The following SHMT1 variants were observed in gnomAD, a reference collection of about 807,000 sequenced individuals.
SHMT1 encodes serine hydroxymethyltransferase 1.
A neutral mutation model predicts 49.0 loss-of-function variants in SHMT1; 45 were observed. The observed-to-expected ratio is 0.92, with a 90% confidence interval of 0.72 to 1.18. The LOEUF (loss-of-function observed/expected upper bound fraction) is 1.18. Ranked by LOEUF, SHMT1 falls within the 50% of genes most tolerant of loss-of-function variation. SHMT1 has a pLI of 0.00. For synonymous variants in SHMT1, 232 were observed against 246.6 expected (o/e 0.94, Z 0.55); for missense variants, 541 against 612.4 (o/e 0.88, Z 1.23).
chr17:18,346,026 G>A (rs1381462315), intron 5 of SHMT1, among the ~76,000 whole-genome samples: 1 of 152,062 alleles, frequency 6.6e-6, no homozygotes, highest in Admixed American at 6.6e-5. Flanking sequence ...TCAAAATCTA[G>A]CTTCAAGGCT....
rs1984370364 is a variant in SHMT1, at chr17:18,340,442, A to G, written c.602-187T>C. On this transcript the variant is annotated intron_variant, in intron 6 of 11. Transcript: ENST00000316694. The surrounding 1 kb of genome is among the most constrained non-coding windows in gnomAD (Gnocchi z 4.5). ...TAAAGGCAACCACTCTAACTCTTCAACGTCTTGGTGGTTGAGATGGCCCCA... is the reference window on the plus strand; with the variant it reads ...TAAAGGCAACCACTCTAACTCTTCAGCGTCTTGGTGGTTGAGATGGCCCCA... 1.4e-6 allele frequency: 1 copy of G among 708,562 alleles called. No homozygotes were observed. Among genetic ancestry groups the G allele is most frequent in the Non-Finnish European group, 2.5e-6 (1 of 407,202 alleles). The allele number at this position is 708,562 out of a possible 1,614,324, so 43.9% of individuals were successfully genotyped here. A position where few individuals can be genotyped will look rare whatever the true frequency, so the allele number is the denominator to read the frequency against.
At chr17:18,360,790 T>C (rs9913022) in intron 1 of SHMT1, among the ~76,000 whole-genome samples, 3,186 of 152,038 alleles carry the variant, frequency 0.021, 127 homozygotes, top group African/African-American at 0.074. Context: ...AAATCAGGCT[T>C]GCACACCTGA....
chr17:18,346,049 T>C (rs1293126961), intron 5 of SHMT1, among the ~76,000 whole-genome samples: 1 of 151,948 alleles, frequency 6.6e-6, no homozygotes, highest in Non-Finnish European at 1.5e-5. Context: ...CCTTGGCCAA[T>C]GAGGAGATCT....
At chr17:18,342,235 C>A (rs893019111) in intron 5 of SHMT1, among the ~76,000 whole-genome samples, 2 of 152,114 alleles carry the variant, frequency 1.3e-5, no homozygotes, top group Admixed American at 6.6e-5. Context: ...AAAAGAAATT[C>A]TGTCATTTGC....
At chr17:18,329,446 G>T in intron 10 of SHMT1, 58 bp from the exon 11 acceptor site, 1 of 1,390,174 alleles carries the variant, frequency 7.2e-7, no homozygotes, top group African/African-American at 1.4e-5. Context: ...TGATGGTGGT[G>T]CATTTAAAAA....
At chr17:18,361,550 G>C (rs1179060644) in intron 1 of SHMT1, among the ~76,000 whole-genome samples, 3 of 151,738 alleles carry the variant, frequency 2.0e-5, no homozygotes, top group African/African-American at 7.3e-5. Context: ...CACTTTGGGA[G>C]GCCGAGGCGG....
chr17:18,340,910 G>A lies in SHMT1; in HGVS notation c.520-97C>T. 1.2e-6 allele frequency: 1 copy of A among 855,838 alleles called. No homozygotes were observed. Among genetic ancestry groups the A allele is most frequent in the Non-Finnish European group, 1.9e-6 (1 of 515,898 alleles). The allele number at this position is 855,838 out of a possible 1,614,324, so 53.0% of individuals were successfully genotyped here. A position where few individuals can be genotyped will look rare whatever the true frequency, so the allele number is the denominator to read the frequency against. On this transcript the variant is annotated intron_variant, in intron 5 of 11. Transcript: ENST00000316694. The surrounding 1 kb of genome is among the most constrained non-coding windows in gnomAD (Gnocchi z 4.5). ...ACTGGCTCCACCCACCATGACAAGA[G>A]GAATGATGTCCTAGATGAGGACTTG...
At chr17:18,358,876 C>T (rs1986497591) in intron 1 of SHMT1, among the ~76,000 whole-genome samples, 1 of 152,068 alleles carries the variant, frequency 6.6e-6, no homozygotes, top group Non-Finnish European at 1.5e-5. Context: ...GCATTCCAGC[C>T]TGGGTGACAG....
rs924468343 is a variant in SHMT1, at chr17:18,328,487, T to C, written c.*263A>G. On this transcript the variant is annotated 3_prime_UTR_variant, in exon 12 of 12. Coordinates refer to ENST00000316694, the MANE Select transcript of SHMT1 (RefSeq NM_004169.5). ...GACCAAGTGGCGACATAGTATTTTA[T>C]TTTCCTAGAATTATGTCCAGCTGTG... 1 of 507,724 alleles carries C rather than the reference T, an allele frequency of 2.0e-6. No individual in the cohort carries two copies. Among genetic ancestry groups the C allele is most frequent in the African/African-American group, 1.9e-5 (1 of 51,884 alleles). 31.5% of individuals were successfully genotyped at this position (507,724 alleles called of 1,614,324 possible). A position where few individuals can be genotyped will look rare whatever the true frequency, so the allele number is the denominator to read the frequency against.
At position 18,328,893 on chromosome 17, in the gene SHMT1, T is replaced by G; in HGVS notation, c.1309A>C (p.Ser437Arg). 1 of 1,613,950 alleles carries G rather than the reference T, an allele frequency of 6.2e-7. No homozygotes were observed. The highest frequency in any genetic ancestry group is 8.5e-7 in the Non-Finnish European group (1 of 1,180,012). The change falls in exon 12 of 12, where the codon AGC becomes CGC. Residue 437 changes from serine (S) to arginine (R), a missense_variant. Transcript: ENST00000316694. ...RGIELTLQIQ[S>R]DTGVRATLKE... The stretch of plus-strand genomic sequence containing the variant: ...AGGGTGGCTCTGACACCAGTGTCGC[T>G]CTGGATCTGCAGGGTCAGCTCTATC...
rs1310740695 is a variant in SHMT1 at position 18,347,651 on chromosome 17, G to A, written c.364C>T (p.Pro122Ser). The stretch of plus-strand genomic sequence containing the variant: ...GCAGTGTACACAGCAAAGTTTGCAG[G>A]GGAGCCTGAAACGAGTGGACCAGAG... ...GVNVQPYSGS[P>S]ANFAVYTALV... Residue 122 changes from proline to serine, a missense_variant, in exon 5 of 12, where the codon CCT becomes TCT. Pro to Ser is a moderately conservative substitution (Grantham distance 74). Coordinates refer to ENST00000316694, the MANE Select transcript of SHMT1 (RefSeq NM_004169.5). The A allele has an allele frequency of 7.4e-6, 12 of 1,614,132 alleles. No homozygotes were observed. The highest frequency in any genetic ancestry group is 1.0e-5 in the Non-Finnish European group (12 of 1,180,028).
chr17:18,345,964 G>A (rs1985046558), intron 5 of SHMT1, among the ~76,000 whole-genome samples: 2 of 152,106 alleles, frequency 1.3e-5, no homozygotes, highest in South Asian at 4.2e-4. Context: ...TTACAGGTGT[G>A]AGCCACCGAG....
At chr17:18,355,618 A>G (rs1387174035) in intron 2 of SHMT1, among the ~76,000 whole-genome samples, 11 of 151,910 alleles carry the variant, frequency 7.2e-5, no homozygotes, top group Non-Finnish European at 4.4e-5. Flanking sequence ...ATTCCCTGTG[A>G]ACTGTCAGGA....
intron 3 of SHMT1, among the ~76,000 whole-genome samples, chr17:18,350,057 G>A (rs960199034): frequency 3.3e-5 from 5 of 151,006 alleles, no homozygotes; most frequent in Admixed American, 6.6e-5. Flanking sequence ...GGCCGGGCAC[G>A]GTGGCTCACG....
chr17:18,360,559 CAA>C (rs55861230), intron 1 of SHMT1: 30 of 109,554 alleles, frequency 2.7e-4, no homozygotes, highest in South Asian at 2.8e-4. Context: ...GACCCTGTCT[CAA>C]AAAAAAAAAA....
Position 18,355,384 on chromosome 17 carries a change from A to AG in SHMT1, c.96+501_96+502insC, listed in dbSNP as rs1368169587. ...GACTCTGTCTCAAAAAAAAAAAAAA[A>AG]AAAAAATTAGCCGGGCATGGTGGTG... is the stretch of plus-strand genomic sequence containing the variant. On this transcript the variant is annotated intron_variant, in intron 2 of 11. Coordinates refer to ENST00000316694, the MANE Select transcript of SHMT1 (RefSeq NM_004169.5). 1.5e-4 allele frequency among the ~76,000 whole-genome samples: 22 copies of AG among 147,828 alleles called. 1 individual carries two copies. The highest frequency in any genetic ancestry group is 3.4e-4 in the Admixed American group (5 of 14,772).
chr17:18,344,512 A>G (rs1567782084), intron 5 of SHMT1, among the ~76,000 whole-genome samples: 1 of 145,912 alleles, frequency 6.9e-6, no homozygotes, highest in South Asian at 2.2e-4. Context: ...CACAAAAAGG[A>G]AAAAAAAAAA....
chr17:18,348,317 A>G lies in SHMT1; in HGVS notation c.358+8T>C. ...GGCTGCACCAGGCCATATGGATGAG[A>G]CAAGCACCTGAGTAGGGCTGGACGT... On this transcript the variant is annotated splice_region_variant and intron_variant, in intron 4 of 11. Coordinates refer to ENST00000316694, the MANE Select transcript of SHMT1 (RefSeq NM_004169.5). 6.3e-7 allele frequency: 1 copy of G among 1,583,296 alleles called. No homozygotes were observed. Among genetic ancestry groups the G allele is most frequent in the Non-Finnish European group, 8.7e-7 (1 of 1,152,242 alleles).
In SHMT1 at chr17:18,328,828, C is replaced by T; in HGVS notation, c.1374G>A (p.Gln458=). ...FKERLAGDKY[Q]AAVQALREEV... ...CCTCCCGGAGAGCCTGCACGGCCGC[C>T]TGGTACTTATCCCCTGCCAGTCTCT... The change falls in exon 12 of 12, where the codon CAG becomes CAA. Residue 458 remains glutamine (Q), a synonymous_variant. Transcript: ENST00000316694. 1 of 1,613,622 alleles carries T rather than the reference C, an allele frequency of 6.2e-7. No homozygotes were observed. The highest frequency in any genetic ancestry group is 1.1e-5 in the South Asian group (1 of 91,020).
Sources: gnomAD v4.1 joint callset for allele counts (sites outside exome capture counted in the v4.1 genomes callset) on GRCh38, gnomAD v4.1.1 for gene constraint, Gnocchi (gnomAD v3.1) non-coding constraint, MANE v1.5 for transcripts, NCBI Gene and HGNC (gene_info 2026-07-23, HGNC 2026-07-21) for gene names.